Variants in ABCA8 observed in about 807,000 individuals in gnomAD.
ABCA8 encodes the protein ATP binding cassette subfamily A member 8, also known as ABC-type organic anion transporter ABCA8.
Under a neutral mutation model 192.3 loss-of-function variants are expected in ABCA8, and 177 were observed. That is an observed-to-expected ratio of 0.92 (90% CI 0.81 to 1.04). The LOEUF (loss-of-function observed/expected upper bound fraction) is 1.04. Ranked by LOEUF, ABCA8 falls within the 50% of genes least tolerant of loss-of-function variation. The pLI is 0.00. For missense variants in ABCA8, 1,915 were observed against 1,904.8 expected (o/e 1.01, Z -0.10); for synonymous variants, 642 against 690.2 (o/e 0.93, Z 1.09).
At chr17:68,898,091 T>A (rs67040494) in intron 21 of ABCA8, among the ~76,000 whole-genome samples, 2 of 151,958 alleles carry the variant, frequency 1.3e-5, no homozygotes, top group South Asian at 2.1e-4. Flanking sequence ...GAATGTTTCC[T>A]TGGTGATGTG....
intron 5 of ABCA8, among the ~76,000 whole-genome samples, chr17:68,936,245 C>CTT (rs2068061883): frequency 6.6e-6 from 1 of 151,460 alleles, no homozygotes; most frequent in African/African-American, 2.4e-5. Flanking sequence ...GTCACAAATT[C>CTT]TTTTCCTAGC....
chr17:68,935,570 T>TATATA (rs1389554406), intron 5 of ABCA8, among the ~76,000 whole-genome samples: 10 of 48,396 alleles, frequency 2.1e-4, no homozygotes, highest in South Asian at 8.8e-4. Context: ...ATATATATAT[T>TATATA]ATCTTCTTTA....
intron 21 of ABCA8, among the ~76,000 whole-genome samples, chr17:68,899,095 TA>T (rs569096002): frequency 1.3e-5 from 2 of 151,636 alleles, no homozygotes; most frequent in Admixed American, 1.3e-4. Flanking sequence ...AAAAATATAA[TA>T]AAAAATCGTT....
intron 2 of ABCA8, among the ~76,000 whole-genome samples, chr17:68,943,017 A>T (rs2068275919): frequency 2.0e-5 from 3 of 152,150 alleles, no homozygotes; most frequent in African/African-American, 7.2e-5. Context: ...TTAGGAATTG[A>T]TCTATCTAAG....
At chr17:68,870,372 G>A (rs2066017945) in intron 37 of ABCA8, among the ~76,000 whole-genome samples, 2 of 152,156 alleles carry the variant, frequency 1.3e-5, no homozygotes, top group South Asian at 2.1e-4. Flanking sequence ...GAACTCTCTT[G>A]TGGAAACTCC....
chr17:68,934,887 G>A (rs1466975346), intron 5 of ABCA8, among the ~76,000 whole-genome samples: 3 of 152,042 alleles, frequency 2.0e-5, no homozygotes, highest in East Asian at 1.9e-4. Context: ...GTTTCAACAC[G>A]CAGTTTCCTG....
At position 68,929,532 on chromosome 17, in the gene ABCA8, A is replaced by T. The variant is rs190836676; in HGVS notation, c.939+29T>A. ...CAAACAATTTTTAGGCTATAGGTGG[A>T]TGGAAAGATATTTAATTCACTAACT... On this transcript the variant is annotated intron_variant, in intron 8 of 39. Transcript: ENST00000586539. 1.9e-6 allele frequency: 3 copies of T among 1,600,608 alleles called. No homozygotes were observed. The African/African-American group carries it at 4.0e-5, about 22-fold the overall frequency.
rs1396534949 is a variant in ABCA8 at position 68,932,383 on chromosome 17, G to T, written c.702C>A (p.Ser234=). 1 of 1,613,788 alleles carries T rather than the reference G, an allele frequency of 6.2e-7. No individual in the cohort carries two copies. The highest frequency in any genetic ancestry group is 8.5e-7 in the Non-Finnish European group (1 of 1,179,882). Residue 234 remains serine (S), a synonymous_variant, in exon 7 of 40, where the codon TCC becomes TCA. Coordinates refer to ENST00000586539, the MANE Select transcript of ABCA8 (RefSeq NM_001288985.2). ...LYLFSCIISF[S]SFIYYASVNV... is the part of the protein sequence containing the mutation. ...TAACAGATGCATAGTAAATGAATGA[G>T]GAAAATGAAATAATGCAGGAAAAAA...
At chr17:68,922,193 T>TC in intron 12 of ABCA8, 49 bp downstream of exon 12, 3 of 559,660 alleles carry the variant, frequency 5.4e-6, no homozygotes, top group Non-Finnish European at 7.3e-6. Context: ...TTTCTCTCTC[T>TC]CTTTTTTTTT....
At chr17:68,944,874 T>G (rs1426003016) in intron 2 of ABCA8, 1 of 152,160 alleles carries the variant, frequency 6.6e-6, no homozygotes, top group Non-Finnish European at 1.5e-5. Context: ...GAGAGGACGC[T>G]CTCACAGGTC....
In ABCA8 at chr17:68,911,471, A is replaced by G. The variant is rs2067225602; in HGVS notation, c.2139-3592T>C. On this transcript the variant is annotated intron_variant, in intron 17 of 39. Transcript: ENST00000586539. The surrounding 1 kb of genome is among the most constrained non-coding windows in gnomAD (Gnocchi z 5.7). The stretch of plus-strand genomic sequence containing the variant: ...TTTCTGACTCCAGGTCCTTCCTCCC[A>G]GAAGGCATTTCTGGACCCACCCTGG... 6.6e-6 allele frequency among the ~76,000 whole-genome samples: 1 copy of G among 152,100 alleles called. No homozygotes were observed. Among genetic ancestry groups the G allele is most frequent in the Non-Finnish European group, 1.5e-5 (1 of 68,004 alleles).
chr17:68,884,730 C>T (rs1375863233), intron 27 of ABCA8: 4 of 1,062,240 alleles, frequency 3.8e-6, no homozygotes, highest in African/African-American at 1.7e-5. Flanking sequence ...TTTGTGGGGC[C>T]CCTTCTCTTC....
chr17:68,874,596 G>C (rs1425513055), intron 37 of ABCA8, among the ~76,000 whole-genome samples: 1 of 152,082 alleles, frequency 6.6e-6, no homozygotes, highest in Non-Finnish European at 1.5e-5. Flanking sequence ...TTATAGCATT[G>C]CTTTTCCATT....
chr17:68,928,501 G>T (rs769424640), intron 9 of ABCA8, among the ~76,000 whole-genome samples: 25 of 152,124 alleles, frequency 1.6e-4, no homozygotes, highest in Non-Finnish European at 2.5e-4. Context: ...AAGTTAATGA[G>T]CTCTTTATAA....
chr17:68,876,235 C>T (rs1355655979), intron 35 of ABCA8: 8 of 597,072 alleles, frequency 1.3e-5, no homozygotes, highest in Non-Finnish European at 2.3e-5. Context: ...AGAGTGAGAC[C>T]TATGGGCCCT....
At chr17:68,925,026 G>GA (rs1306307939) in intron 10 of ABCA8, among the ~76,000 whole-genome samples, 157 bp from the exon 11 acceptor site, 46 of 150,408 alleles carry the variant, frequency 3.1e-4, no homozygotes, top group Admixed American at 2.6e-3. Context: ...GCTTCATAAG[G>GA]AAAAAAAAAT....
chr17:68,921,552 C>A, intron 12 of ABCA8, 60 bp from the exon 13 acceptor site: 1 of 1,101,952 alleles, frequency 9.1e-7, no homozygotes, highest in Non-Finnish European at 1.3e-6. Flanking sequence ...ACAATTAAAA[C>A]CACAAAAAAT....
At chr17:68,912,805 G>C (rs1404583655) in intron 17 of ABCA8, among the ~76,000 whole-genome samples, 3 of 152,102 alleles carry the variant, frequency 2.0e-5, no homozygotes, top group Non-Finnish European at 4.4e-5. Flanking sequence ...AATAATAATA[G>C]CTGGAGACTT....
At chr17:68,953,000 T>C (rs368963868) in intron 1 of ABCA8, among the ~76,000 whole-genome samples, 71 of 152,292 alleles carry the variant, frequency 4.7e-4, no homozygotes, top group African/African-American at 1.6e-3. Flanking sequence ...ATTCAGTGCA[T>C]AATAAGAGCA....
Sources: allele counts gnomAD v4.1 joint callset (sites outside exome capture counted in the v4.1 genomes callset), GRCh38; gene constraint gnomAD v4.1.1; non-coding constraint Gnocchi (gnomAD v3.1); transcripts MANE v1.5; gene names NCBI Gene and HGNC (gene_info 2026-07-23, HGNC 2026-07-21).